SH3BGRL2: variants seen among roughly 807,000 people sequenced by gnomAD.
SH3BGRL2 encodes SH3 domain-binding glutamic acid-rich-like protein 2.
In SH3BGRL2, 21 loss-of-function variants were observed where a neutral mutation model predicts 14.8. The observed-to-expected ratio is 1.42, with a 90% CI of 1.01 to 2.05. The LOEUF (loss-of-function observed/expected upper bound fraction) is 2.05. Among genes scored for constraint, SH3BGRL2 ranks in the 30% most tolerant of loss-of-function variants. The pLI is 0.00. For missense variants in SH3BGRL2, 147 were observed against 130.8 expected (o/e 1.12, Z -0.61); for synonymous variants, 50 against 47.8 (o/e 1.05, Z -0.19).
At chr6:79,622,249 A>G in the SH3BGRL2 span, among the ~76,000 whole-genome samples, 3 of 152,154 alleles carry the variant, frequency 2.0e-5, no homozygotes, top group Non-Finnish European at 2.9e-5. Flanking sequence ...ATAGGCTGCT[A>G]TTTAGTGCTG....
chr6:79,566,098 G>A, the SH3BGRL2 span, among the ~76,000 whole-genome samples: 2 of 152,142 alleles, frequency 1.3e-5, no homozygotes, highest in African/African-American at 4.8e-5. Flanking sequence ...AGAGGAGGGT[G>A]GAAAGTAGAG....
At chr6:79,613,381 G>A in the SH3BGRL2 span, among the ~76,000 whole-genome samples, 1 of 152,198 alleles carries the variant, frequency 6.6e-6, no homozygotes, top group African/African-American at 2.4e-5. Context: ...TTATTTGAGT[G>A]AAACAGATTC....
intron 1 of SH3BGRL2, among the ~76,000 whole-genome samples, chr6:79,655,409 C>T (rs554600631): frequency 1.2e-4 from 14 of 118,216 alleles, no homozygotes; most frequent in African/African-American, 3.6e-4. Context: ...TTTGCAAATT[C>T]AGTTTTTTTT....
chr6:79,629,402 G>A (rs1393396956), upstream of SH3BGRL2, among the ~76,000 whole-genome samples: 3 of 151,956 alleles, frequency 2.0e-5, no homozygotes, highest in African/African-American at 7.2e-5. Context: ...ATAAGCTGTG[G>A]TCAGAGGGTT....
At chr6:79,646,903 G>A (rs1236067592) in intron 1 of SH3BGRL2, among the ~76,000 whole-genome samples, 1 of 152,194 alleles carries the variant, frequency 6.6e-6, no homozygotes, top group Non-Finnish European at 1.5e-5. Context: ...ATACTCTGTG[G>A]TATGAATGTA....
At chr6:79,680,133 A>G (rs1266588363) in intron 2 of SH3BGRL2, among the ~76,000 whole-genome samples, 2 of 152,228 alleles carry the variant, frequency 1.3e-5, no homozygotes, top group Admixed American at 1.3e-4. Flanking sequence ...TACTCTTGGT[A>G]TCATATCCAG....
intron 3 of SH3BGRL2, among the ~76,000 whole-genome samples, chr6:79,698,656 T>G (rs1770380810): frequency 6.6e-6 from 1 of 151,928 alleles, no homozygotes. Flanking sequence ...GATGGTGGCC[T>G]GCAGGCCACA....
the SH3BGRL2 span, among the ~76,000 whole-genome samples, chr6:79,618,567 A>G: frequency 0.22 from 33,157 of 151,866 alleles, 3,857 homozygotes; most frequent in African/African-American, 0.26. Context: ...TTAGCCGGGC[A>G]TGGTGGCATG....
chr6:79,676,959 C>T (rs1769897534), intron 2 of SH3BGRL2, among the ~76,000 whole-genome samples: 1 of 152,116 alleles, frequency 6.6e-6, no homozygotes, highest in Non-Finnish European at 1.5e-5. Context: ...TCAATGGCAT[C>T]TTCTGTGCTT....
At chr6:79,684,455 A>G (rs961942986) in intron 2 of SH3BGRL2, among the ~76,000 whole-genome samples, 2 of 151,936 alleles carry the variant, frequency 1.3e-5, no homozygotes, top group African/African-American at 4.8e-5. Context: ...TATTTATCTT[A>G]GTATCTGGTA....
chr6:79,577,501 A>G, the SH3BGRL2 span, among the ~76,000 whole-genome samples: 1 of 152,220 alleles, frequency 6.6e-6, no homozygotes, highest in Non-Finnish European at 1.5e-5. Flanking sequence ...AATCAATAAA[A>G]TTTCCAAGGA....
the SH3BGRL2 span, among the ~76,000 whole-genome samples, chr6:79,563,573 T>G: frequency 6.6e-6 from 1 of 152,152 alleles, no homozygotes; most frequent in South Asian, 2.1e-4. Flanking sequence ...CTCTTGCTGG[T>G]TTTGGAACTG....
chr6:79,586,214 A>G, the SH3BGRL2 span, among the ~76,000 whole-genome samples: 14 of 133,680 alleles, frequency 1.0e-4, no homozygotes, highest in Admixed American at 9.0e-4. Context: ...AAAAAAAGCT[A>G]TAAGATTTAT....
the SH3BGRL2 span, among the ~76,000 whole-genome samples, chr6:79,585,443 A>G: frequency 6.6e-6 from 1 of 152,258 alleles, no homozygotes; most frequent in Non-Finnish European, 1.5e-5. Context: ...ATTTGTAAAT[A>G]AAATAAGAGG....
chr6:79,681,529 G>A (rs1287714361), intron 2 of SH3BGRL2, among the ~76,000 whole-genome samples: 4 of 152,134 alleles, frequency 2.6e-5, no homozygotes, highest in Admixed American at 1.3e-4. Context: ...AGTATGAAGG[G>A]TAAATTACCA....
At chr6:79,604,364 T>C in the SH3BGRL2 span, among the ~76,000 whole-genome samples, 6 of 152,260 alleles carry the variant, frequency 3.9e-5, no homozygotes, top group African/African-American at 1.4e-4. Flanking sequence ...ATGTAGCTTA[T>C]GTGAGTTGTC....
At chr6:79,639,821 G>C (rs956814678) in intron 1 of SH3BGRL2, among the ~76,000 whole-genome samples, 3 of 152,028 alleles carry the variant, frequency 2.0e-5, no homozygotes, top group Non-Finnish European at 4.4e-5. Flanking sequence ...AGAGATTTAA[G>C]TTCTATTTAA....
chr6:79,663,578 C>A (rs1257545925), intron 1 of SH3BGRL2, among the ~76,000 whole-genome samples: 1 of 152,180 alleles, frequency 6.6e-6, no homozygotes, highest in Non-Finnish European at 1.5e-5. Context: ...AGGTGTCAGT[C>A]GGCCCCTACT....
chr6:79,636,149 A>G (rs1200325927), intron 1 of SH3BGRL2, among the ~76,000 whole-genome samples: 1 of 152,114 alleles, frequency 6.6e-6, no homozygotes, highest in Non-Finnish European at 1.5e-5. Flanking sequence ...ATTTATTCCC[A>G]TTTTCCAGAG....
Sources: gnomAD v4.1 joint callset for allele counts (sites outside exome capture counted in the v4.1 genomes callset) on GRCh38, gnomAD v4.1.1 for gene constraint, MANE v1.5 for transcripts, NCBI Gene and HGNC (gene_info 2026-07-23, HGNC 2026-07-21) for gene names.